Variants in MCCC2 observed in about 807,000 individuals in gnomAD.
The protein encoded by MCCC2 is methylcrotonoyl-CoA carboxylase beta chain, mitochondrial.
A neutral mutation model predicts 77.2 loss-of-function variants in MCCC2; 52 were observed. The observed-to-expected ratio is 0.67, with a 90% CI of 0.54 to 0.85. The LOEUF is 0.85. MCCC2 is among the 40% of genes least tolerant of loss of function. The pLI, the probability that MCCC2 is intolerant of heterozygous loss-of-function variation, is 0.00. For missense variants in MCCC2, 682 were observed against 703.2 expected, an observed-to-expected ratio of 0.97 and a Z score of 0.34; for synonymous variants, 253 against 248.4, an observed-to-expected ratio of 1.02 and a Z score of -0.18.
chr5:71,652,887 T>A (rs1332541237), intron 16 of MCCC2, 133 bp downstream of exon 16: 1 of 793,750 alleles, frequency 1.3e-6, no homozygotes, highest in East Asian at 2.7e-5. Context: ...ACACACTTAA[T>A]TTTGTACTGT....
Position 71,657,198 on chromosome 5 carries a change from G to C in MCCC2, c.*338G>C. The stretch of plus-strand genomic sequence containing the variant: ...GTATTATTGAGATGATTAATATAAA[G>C]TTGTATTTTCACTGAAATGATTGTT... On this transcript the variant is annotated 3_prime_UTR_variant, in exon 17 of 17. Coordinates refer to ENST00000340941, the MANE Select transcript of MCCC2 (RefSeq NM_022132.5). The C allele has an allele frequency of 4.1e-6, 1 of 243,094 alleles. No individual in the cohort carries two copies. The highest frequency in any genetic ancestry group is 5.3e-5 in the South Asian group (1 of 18,870). 15.1% of individuals were successfully genotyped at this position (243,094 alleles called of 1,614,324 possible).
chr5:71,606,018 A>T (rs576708945), intron 6 of MCCC2, among the ~76,000 whole-genome samples: 17 of 152,306 alleles, frequency 1.1e-4, no homozygotes, highest in African/African-American at 4.1e-4. Context: ...TGATGCCTCC[A>T]GCTTTGTTCT....
intron 6 of MCCC2, among the ~76,000 whole-genome samples, chr5:71,606,082 T>G (rs1745665625): frequency 6.6e-6 from 1 of 152,134 alleles, no homozygotes; most frequent in Non-Finnish European, 1.5e-5. Flanking sequence ...CCATGTGAAC[T>G]TTAAAGTAGT....
intron 7 of MCCC2, among the ~76,000 whole-genome samples, chr5:71,627,179 G>T (rs277997): frequency 0.34 from 51,981 of 152,182 alleles, 10,006 homozygotes; most frequent in East Asian, 0.54. Flanking sequence ...GTGCCCTTCA[G>T]TGTTAAGGCT....
intron 13 of MCCC2, 41 bp downstream of exon 13, chr5:71,646,318 G>C: frequency 6.4e-7 from 1 of 1,573,298 alleles, no homozygotes; most frequent in Non-Finnish European, 8.7e-7. Flanking sequence ...ATTGATTCCA[G>C]AGCTGTACCA....
intron 12 of MCCC2, among the ~76,000 whole-genome samples, chr5:71,645,890 G>GTATT (rs1392793935): frequency 2.0e-5 from 3 of 152,184 alleles, no homozygotes; most frequent in Non-Finnish European, 4.4e-5. Context: ...TATAAGGTAA[G>GTATT]ACTAGCCAAA....
chr5:71,641,972 A>AT (rs1467295349), intron 11 of MCCC2, among the ~76,000 whole-genome samples: 1 of 152,190 alleles, frequency 6.6e-6, no homozygotes, highest in Non-Finnish European at 1.5e-5. Context: ...TATAGACAGG[A>AT]TTTGTCACCA....
rs955641686 is a variant in MCCC2 at position 71,607,904 on chromosome 5, C to A, written c.624+3436C>A. Among the ~76,000 whole-genome samples, 12 of 138,644 alleles carry A rather than the reference C, an allele frequency of 8.7e-5. No individual in the cohort carries two copies. The South Asian group carries it at 2.8e-3, about 32-fold the overall frequency. 91.0% of individuals were successfully genotyped at this position (138,644 alleles called of 152,430 possible). A position where few individuals can be genotyped will look rare whatever the true frequency, so the allele number is the denominator to read the frequency against. ...AGCAGTTTTGAGTGAGATTCTTAAT[C>A]CTGAGTTCTAGTTTGATTGCACTGT... On this transcript the variant is annotated intron_variant, in intron 6 of 16. Transcript: ENST00000340941.
rs962053919 is a variant in MCCC2 at position 71,657,530 on chromosome 5, G to T, written c.*670G>T. 6 of 152,002 alleles carry T rather than the reference G, an allele frequency of 3.9e-5. No individual in the cohort carries two copies. The highest frequency in any genetic ancestry group is 1.5e-4 in the African/African-American group (6 of 41,268). 9.4% of individuals were successfully genotyped at this position (152,002 alleles called of 1,614,324 possible). ...CAGCTTCCACCTCCCGGGTTCAAGC[G>T]ATTCTTGTGCCTCAGCCTCCCAAGC... On this transcript the variant is annotated 3_prime_UTR_variant, in exon 17 of 17. Coordinates refer to ENST00000340941, the MANE Select transcript of MCCC2 (RefSeq NM_022132.5).
intron 5 of MCCC2, among the ~76,000 whole-genome samples, chr5:71,603,586 C>G (rs1030495837): frequency 1.3e-5 from 2 of 152,074 alleles, no homozygotes; most frequent in Non-Finnish European, 2.9e-5. Context: ...ACTCACAATA[C>G]GAACTGCTCT....
chr5:71,591,656 C>T lies in MCCC2; in HGVS notation c.130-1270C>T, dbSNP rs947574706. On this transcript the variant is annotated intron_variant, in intron 1 of 16. Coordinates refer to ENST00000340941, the MANE Select transcript of MCCC2 (RefSeq NM_022132.5). ...TTCTCCATGTTGGTCAGGCTGGTCT[C>T]GAACTCCCGACCGTAGGTGATCTGC... Among the ~76,000 whole-genome samples the T allele has an allele frequency of 3.3e-5, 5 of 152,010 alleles. No individual in the cohort carries two copies. In the East Asian group the frequency reaches 5.8e-4, roughly 18 times the overall value.
chr5:71,642,225 G>A (rs1246367397), intron 11 of MCCC2, among the ~76,000 whole-genome samples: 1 of 151,886 alleles, frequency 6.6e-6, no homozygotes, highest in African/African-American at 2.4e-5. Flanking sequence ...GGAGAAGAAG[G>A]GAATGAGAGG....
In MCCC2 at chr5:71,657,328, A is replaced by C. The variant is rs1218051728; in HGVS notation, c.*468A>C. The C allele has an allele frequency of 5.9e-6, 1 of 170,706 alleles. No homozygotes were observed. Among genetic ancestry groups the C allele is most frequent in the Non-Finnish European group, 1.3e-5 (1 of 79,522 alleles). The allele number at this position is 170,706 out of a possible 1,614,324, so 10.6% of individuals were successfully genotyped here. The stretch of plus-strand genomic sequence containing the variant: ...ACACTGCTGTGCAGCCATCACCACC[A>C]TTCATCTCCAGAATTTGTTCTCAGT... On this transcript the variant is annotated 3_prime_UTR_variant, in exon 17 of 17. Coordinates refer to ENST00000340941, the MANE Select transcript of MCCC2 (RefSeq NM_022132.5).
intron 13 of MCCC2, among the ~76,000 whole-genome samples, chr5:71,648,806 C>T (rs1204387719): frequency 6.6e-6 from 1 of 152,222 alleles, no homozygotes; most frequent in Non-Finnish European, 1.5e-5. Flanking sequence ...TGAGTCACTG[C>T]ACCCAGCCAA....
chr5:71,596,664 G>C (rs180920610), intron 3 of MCCC2, among the ~76,000 whole-genome samples: 223 of 152,244 alleles, frequency 1.5e-3, no homozygotes, highest in Non-Finnish European at 2.3e-3. Context: ...ACTTCTGGCT[G>C]GGTGTGGTGG....
intron 12 of MCCC2, among the ~76,000 whole-genome samples, chr5:71,644,281 T>C (rs534648254): frequency 1.6e-4 from 24 of 152,316 alleles, no homozygotes; most frequent in African/African-American, 5.3e-4. Flanking sequence ...AAGTGCTTCA[T>C]GTCCTGGAGG....
chr5:71,613,408 A>G (rs1746038119), intron 6 of MCCC2, among the ~76,000 whole-genome samples: 1 of 152,258 alleles, frequency 6.6e-6, no homozygotes, highest in African/African-American at 2.4e-5. Context: ...TTCTTGGAAT[A>G]AGCAATACCT....
In MCCC2 at chr5:71,650,187, G is replaced by C; in HGVS notation, c.1488+4G>C. 1.2e-6 allele frequency: 2 copies of C among 1,613,028 alleles called. No individual in the cohort carries two copies. The highest frequency in any genetic ancestry group is 2.2e-5 in the East Asian group (1 of 44,864). ...AAGAGCCCGGGAAGGAAAGCAGGTC[G>C]GTGTCGTTTTCTCTTGTTTCTCTCT... On this transcript the variant is annotated splice_donor_region_variant and intron_variant, in intron 15 of 16. Transcript: ENST00000340941.
chr5:71,633,287 T>A (rs1746806456), intron 8 of MCCC2, among the ~76,000 whole-genome samples: 1 of 151,544 alleles, frequency 6.6e-6, no homozygotes, highest in South Asian at 2.1e-4. Flanking sequence ...AGTTTGACTA[T>A]TTAAAAAAAG....
Sources: allele counts gnomAD v4.1 joint callset (sites outside exome capture counted in the v4.1 genomes callset), GRCh38; gene constraint gnomAD v4.1.1; transcripts MANE v1.5; gene names NCBI Gene and HGNC (gene_info 2026-07-23, HGNC 2026-07-21).